Variants in KCNJ6 observed in about 807,000 individuals in gnomAD.
The protein encoded by KCNJ6 is G protein-activated inward rectifier potassium channel 2.
In KCNJ6, 9 loss-of-function variants were observed where a neutral mutation model predicts 34.2. The ratio of observed to expected loss-of-function variants is 0.26; its 90% CI spans 0.16 to 0.46. The LOEUF (loss-of-function observed/expected upper bound fraction) is 0.46, where lower values mean the gene tolerates loss of function less well. Among genes scored for constraint, KCNJ6 ranks in the 20% least tolerant of loss-of-function variants. The probability of loss-of-function intolerance (pLI) is 1.00; values close to 1 mark genes in which losing one functional copy is unlikely to be tolerated. For missense variants in KCNJ6, 236 were observed against 531.3 expected (o/e 0.44, Z 5.46); for synonymous variants, 196 against 207.1 (o/e 0.95, Z 0.46).
At chr21:37,697,885 AAG>A (rs2054670816) in intron 3 of KCNJ6, among the ~76,000 whole-genome samples, 1 of 152,170 alleles carries the variant, frequency 6.6e-6, no homozygotes, top group African/African-American at 2.4e-5. Flanking sequence ...AGTTTGCACA[AAG>A]AGAGTCTCTT....
intron 2 of KCNJ6, among the ~76,000 whole-genome samples, chr21:37,717,606 G>A (rs1182946249): frequency 6.6e-6 from 1 of 152,250 alleles, no homozygotes; most frequent in Non-Finnish European, 1.5e-5. Flanking sequence ...CTGAGTGGAA[G>A]TCTCTAAATA....
intron 2 of KCNJ6, among the ~76,000 whole-genome samples, chr21:37,817,712 T>C (rs1295971500): frequency 6.6e-6 from 1 of 152,202 alleles, no homozygotes; most frequent in East Asian, 1.9e-4. Flanking sequence ...GGCATTGCTG[T>C]TGTTGCCGTT....
At chr21:37,729,149 C>T (rs1483304993) in intron 2 of KCNJ6, among the ~76,000 whole-genome samples, 1 of 152,094 alleles carries the variant, frequency 6.6e-6, no homozygotes, top group African/African-American at 2.4e-5. Context: ...GCTTGGGGAC[C>T]CCACAATGTG....
intron 3 of KCNJ6, among the ~76,000 whole-genome samples, chr21:37,709,518 A>AAAAAAGAAAAG (rs112508967): frequency 0.29 from 42,445 of 145,498 alleles, 6,475 homozygotes; most frequent in Middle Eastern, 0.38. Context: ...CTGTCTCAAA[A>AAAAAAGAAAAG]AAAAGAAAAG....
At chr21:37,631,606 A>G (rs2054334002) in intron 3 of KCNJ6, among the ~76,000 whole-genome samples, 1 of 152,204 alleles carries the variant, frequency 6.6e-6, no homozygotes, top group Admixed American at 6.5e-5. Context: ...TTGAGGAATG[A>G]ATCGTCTGAG....
intron 2 of KCNJ6, among the ~76,000 whole-genome samples, chr21:37,824,733 T>C (rs1221281053): frequency 6.6e-6 from 1 of 152,224 alleles, no homozygotes; most frequent in African/African-American, 2.4e-5. Flanking sequence ...CTCCTTTGCC[T>C]TCTGCCATAA....
At chr21:37,713,765 T>A (rs1473776339) in intron 3 of KCNJ6, among the ~76,000 whole-genome samples, 1 of 152,222 alleles carries the variant, frequency 6.6e-6, no homozygotes, top group Non-Finnish European at 1.5e-5. Flanking sequence ...GCCTTATAAA[T>A]GACTCTCAAA....
chr21:37,728,753 G>C (rs935449088), intron 2 of KCNJ6, among the ~76,000 whole-genome samples: 12 of 152,236 alleles, frequency 7.9e-5, no homozygotes, highest in Non-Finnish European at 1.2e-4. Context: ...CGTATGGAGA[G>C]AGACGCTTCC....
chr21:37,628,274 G>A (rs2054319555), intron 3 of KCNJ6, among the ~76,000 whole-genome samples: 1 of 152,074 alleles, frequency 6.6e-6, no homozygotes, highest in Non-Finnish European at 1.5e-5. Flanking sequence ...ACTAAAAGAA[G>A]CCATGTCTAA....
chr21:37,793,915 G>T (rs2055229106), intron 2 of KCNJ6, among the ~76,000 whole-genome samples: 1 of 152,228 alleles, frequency 6.6e-6, no homozygotes. Context: ...AATGACACAG[G>T]CATGATGAAA....
At chr21:37,854,941 A>G (rs1245692215) in intron 1 of KCNJ6, among the ~76,000 whole-genome samples, 1 of 152,240 alleles carries the variant, frequency 6.6e-6, no homozygotes, top group Non-Finnish European at 1.5e-5. Context: ...TCTCTTAACA[A>G]TTGTTAGGAC....
chr21:37,709,282 T>C (rs2054737426), intron 3 of KCNJ6, among the ~76,000 whole-genome samples: 1 of 151,648 alleles, frequency 6.6e-6, no homozygotes, highest in African/African-American at 2.4e-5. Context: ...GAGGCCAAGG[T>C]GGGTGGATCA....
intron 3 of KCNJ6, among the ~76,000 whole-genome samples, chr21:37,669,501 C>G (rs1004067391): frequency 6.6e-6 from 1 of 152,110 alleles, no homozygotes; most frequent in South Asian, 2.1e-4. Flanking sequence ...AAAGAAATCT[C>G]TGCTTGATGC....
chr21:37,708,129 G>A (rs2054731044), intron 3 of KCNJ6, among the ~76,000 whole-genome samples: 1 of 152,148 alleles, frequency 6.6e-6, no homozygotes, highest in South Asian at 2.1e-4. Flanking sequence ...TCTGGTATTG[G>A]TGAACAATGA....
At chr21:37,691,359 G>A (rs2054638930) in intron 3 of KCNJ6, among the ~76,000 whole-genome samples, 1 of 152,108 alleles carries the variant, frequency 6.6e-6, no homozygotes, top group Non-Finnish European at 1.5e-5. Context: ...TCCCTTATTG[G>A]GGGCTGTGAT....
intron 1 of KCNJ6, among the ~76,000 whole-genome samples, chr21:37,859,638 C>G (rs1484949047): frequency 1.3e-5 from 2 of 150,368 alleles, no homozygotes. Flanking sequence ...TGTACTGTAT[C>G]TCAGTGGTAG....
chr21:37,892,324 G>A (rs1403467882), intron 1 of KCNJ6, among the ~76,000 whole-genome samples: 1 of 152,206 alleles, frequency 6.6e-6, no homozygotes, highest in African/African-American at 2.4e-5. Context: ...CACTGATGTG[G>A]TCCTGGCTGA....
At chr21:37,728,472 G>C (rs2054866741) in intron 2 of KCNJ6, among the ~76,000 whole-genome samples, 1 of 152,184 alleles carries the variant, frequency 6.6e-6, no homozygotes, top group Non-Finnish European at 1.5e-5. Context: ...CAATGAAAAG[G>C]AGATTGTGCT....
At chr21:37,896,430 C>T (rs2123640273) in intron 1 of KCNJ6, among the ~76,000 whole-genome samples, 1 of 152,302 alleles carries the variant, frequency 6.6e-6, no homozygotes, top group African/African-American at 2.4e-5. Context: ...ACACCTGTTT[C>T]CACCTGAGAT....
Sources: gnomAD v4.1 joint callset for allele counts (sites outside exome capture counted in the v4.1 genomes callset) on GRCh38, gnomAD v4.1.1 for gene constraint, MANE v1.5 for transcripts, NCBI Gene and HGNC (gene_info 2026-07-23, HGNC 2026-07-21) for gene names.